The following SIGLEC7 variants were observed in gnomAD, a reference collection of about 807,000 sequenced individuals.
The protein encoded by SIGLEC7 is sialic acid-binding Ig-like lectin 7.
A neutral mutation model predicts 40.8 loss-of-function variants in SIGLEC7; 33 were observed. The observed-to-expected ratio is 0.81, with a 90% CI of 0.61 to 1.08. SIGLEC7 has a LOEUF of 1.08. Among genes scored for constraint, SIGLEC7 ranks in the 50% least tolerant of loss-of-function variants. The probability of loss-of-function intolerance (pLI) is 0.00; values close to 1 mark genes in which losing one functional copy is unlikely to be tolerated. For synonymous variants in SIGLEC7, 242 were observed against 237.6 expected (o/e 1.02, Z -0.17); for missense variants, 513 against 576.1 (o/e 0.89, Z 1.12).
rs776981304 is a variant in SIGLEC7, at chr19:51,145,907, T to C, written c.813T>C (p.Ser271=). 2.7e-5 allele frequency: 44 copies of C among 1,614,086 alleles called. No homozygotes were observed. Among genetic ancestry groups the C allele is most frequent in the Non-Finnish European group, 3.6e-5 (43 of 1,180,044 alleles). Residue 271 remains serine, a synonymous_variant, in exon 4 of 7, where the codon TCT becomes TCC. Coordinates refer to ENST00000317643, the MANE Select transcript of SIGLEC7 (RefSeq NM_014385.4). The surrounding 1 kb of genome is among the most constrained non-coding windows in gnomAD (Gnocchi z 4.3). ...SSSLSVLEGQ[S]LRLVCAVDSN... ...CTCTTTCAGTCCTAGAGGGCCAGTC[T>C]CTGCGCTTGGTCTGTGCTGTTGACA...
intron 2 of SIGLEC7, 29 bp downstream of exon 2, chr19:51,144,713 C>G: frequency 1.2e-6 from 2 of 1,606,846 alleles, no homozygotes; most frequent in South Asian, 1.1e-5. Flanking sequence ...CGCCCTGGTC[C>G]CTGATGAGGG....
chr19:51,147,602 A>G (rs1253193448), intron 6 of SIGLEC7, among the ~76,000 whole-genome samples: 1 of 151,982 alleles, frequency 6.6e-6, no homozygotes, highest in African/African-American at 2.4e-5. Flanking sequence ...TTTCCTCCCT[A>G]AGAATGGCTA....
rs1332483736 is a variant in SIGLEC7 at position 51,145,962 on chromosome 19, T to C, written c.868T>C (p.Trp290Arg). The C allele has an allele frequency of 6.2e-7, 1 of 1,614,110 alleles. No individual in the cohort carries two copies. The highest frequency in any genetic ancestry group is 1.3e-5 in the African/African-American group (1 of 74,928). Residue 290 changes from tryptophan (W) to arginine (R), a missense_variant, in exon 4 of 7, where the codon TGG becomes CGG. Transcript: ENST00000317643. The surrounding 1 kb of genome is among the most constrained non-coding windows in gnomAD (Gnocchi z 4.3). ...TCCCCCTGCCAGGCTGAGCTGGACCTGGAGGAGTCTGACCCTGTACCCCTC... is the reference window on the plus strand; with the variant it reads ...TCCCCCTGCCAGGCTGAGCTGGACCCGGAGGAGTCTGACCCTGTACCCCTC... ...SNPPARLSWT[W>R]RSLTLYPSQP... is the part of the protein sequence containing the mutation.
rs2092093443 is a variant in SIGLEC7 at position 51,144,599 on chromosome 19, G to A, written c.627G>A (p.Gln209=). ...SSVLTLIPQP[Q]HHGTSLTCQV... ...TGCTCACCCTCATCCCACAGCCCCA[G>A]CACCACGGCACCAGCCTCACCTGTC... Residue 209 remains glutamine, a synonymous_variant, in exon 2 of 7, where the codon CAG becomes CAA. Transcript: ENST00000317643. 6.2e-7 allele frequency: 1 copy of A among 1,613,772 alleles called. No individual in the cohort carries two copies. The highest frequency in any genetic ancestry group is 1.7e-5 in the Admixed American group (1 of 60,006).
chr19:51,142,339 C>T lies in SIGLEC7; in HGVS notation c.-31C>T, dbSNP rs1011561493. 2.5e-6 allele frequency: 4 copies of T among 1,601,382 alleles called. No homozygotes were observed. In the African/African-American group the frequency reaches 5.3e-5, roughly 21 times the overall value. On this transcript the variant is annotated 5_prime_UTR_variant, in exon 1 of 7. Coordinates refer to ENST00000317643, the MANE Select transcript of SIGLEC7 (RefSeq NM_014385.4). This position sits in a 1 kb window ranked among gnomAD's most constrained non-coding sequence, Gnocchi z 5.0. Reference sequence around the variant, plus strand: ...GAAGAACCCTGAGGAACAGACGTTCCCTCGCGGCCCTGGCACCTCCAACCC... The same window carrying T: ...GAAGAACCCTGAGGAACAGACGTTCTCTCGCGGCCCTGGCACCTCCAACCC...
chr19:51,144,655 C>T lies in SIGLEC7; in HGVS notation c.683C>T (p.Thr228Met), dbSNP rs749029848. 17 of 1,613,632 alleles carry T rather than the reference C, an allele frequency of 1.1e-5. No homozygotes were observed. The highest frequency in any genetic ancestry group is 4.0e-5 in the African/African-American group (3 of 74,920). ...ACCTTGCCTGGGGCCGGCGTGACCA[C>T]GAACAGGACCATCCAACTCAATGTG... The part of the protein sequence containing the change: ...QVTLPGAGVT[T>M]NRTIQLNVSY... The change falls in exon 2 of 7, where the codon ACG becomes ATG. Residue 228 changes from threonine to methionine, a missense_variant. By Grantham distance (81) the Thr-to-Met change is moderately conservative. Transcript: ENST00000317643.
intron 3 of SIGLEC7, 38 bp downstream of exon 3, chr19:51,144,997 G>A (rs1365933186): frequency 1.3e-6 from 2 of 1,599,348 alleles, no homozygotes; most frequent in South Asian, 2.2e-5. Flanking sequence ...GGGGGAGCAG[G>A]GCCTTCAGCT....
At position 51,144,680 on chromosome 19, in the gene SIGLEC7, GT is replaced by G; in HGVS notation, c.709del (p.Ser237ProfsTer7). 1.2e-6 allele frequency: 2 copies of G among 1,613,022 alleles called. No homozygotes were observed. Among genetic ancestry groups the G allele is most frequent in the Non-Finnish European group, 1.7e-6 (2 of 1,179,742 alleles). On this transcript the variant is annotated frameshift_variant, in exon 2 of 7. Coordinates refer to ENST00000317643, the MANE Select transcript of SIGLEC7 (RefSeq NM_014385.4). LOFTEE classifies it high-confidence loss of function. ...CGAACAGGACCATCCAACTCAATGT[GT>G]CCTGTGAGTGCTGAGCCAGGACGCC... ...TTNRTIQLNV[S>X]YPPQNLTVTV...
rs1353314304 is a variant in SIGLEC7, at chr19:51,142,569, G to A, written c.200G>A (p.Arg67Gln). 3.1e-6 allele frequency: 5 copies of A among 1,614,114 alleles called. No homozygotes were observed. The highest frequency in any genetic ancestry group is 3.4e-6 in the Non-Finnish European group (4 of 1,180,024). ...GACCCAGTTCATGGCTACTGGTTCC[G>A]GGCAGGGAATGATATAAGCTGGAAG... ...DSDPVHGYWF[R>Q]AGNDISWKAP... Residue 67 changes from arginine to glutamine, a missense_variant, in exon 1 of 7, where the codon CGG becomes CAG. By Grantham distance (43) the Arg-to-Gln change is conservative. Coordinates refer to ENST00000317643, the MANE Select transcript of SIGLEC7 (RefSeq NM_014385.4). The surrounding 1 kb of genome is among the most constrained non-coding windows in gnomAD (Gnocchi z 5.0).
Position 51,148,184 on chromosome 19 carries a change from A to T in SIGLEC7, c.1221+867A>T, listed in dbSNP as rs576784509. Reference sequence around the variant, plus strand: ...AAATCTCAGTAATTGTGATAGTTTTAAAAAAAACTCTTATTTTAGGTTTGG... The same window carrying T: ...AAATCTCAGTAATTGTGATAGTTTTTAAAAAAACTCTTATTTTAGGTTTGG... On this transcript the variant is annotated intron_variant, in intron 6 of 6. Transcript: ENST00000317643. 7.3e-5 allele frequency among the ~76,000 whole-genome samples: 11 copies of T among 150,692 alleles called. No individual in the cohort carries two copies. The East Asian group carries it at 7.7e-4, about 11-fold the overall frequency.
At chr19:51,143,436 G>T (rs1202716945) in intron 1 of SIGLEC7, among the ~76,000 whole-genome samples, 1 of 152,130 alleles carries the variant, frequency 6.6e-6, no homozygotes, top group Non-Finnish European at 1.5e-5. Flanking sequence ...TGGTCCAGAG[G>T]CCGGGAGGGC....
chr19:51,144,546 C>G lies in SIGLEC7; in HGVS notation c.574C>G (p.Leu192Val). Residue 192 changes from leucine (L) to valine (V), a missense_variant, in exon 2 of 7, where the codon CTG becomes GTG. By Grantham distance (32) the Leu-to-Val change is conservative (BLOSUM62 1). Coordinates refer to ENST00000317643, the MANE Select transcript of SIGLEC7 (RefSeq NM_014385.4). ...ISWMGTSVSP[L>V]HPSTTRSSVL... ...CTGGATGGGGACCTCTGTGTCCCCC[C>G]TGCACCCCTCCACCACCCGCTCCTC... The G allele has an allele frequency of 6.2e-7, 1 of 1,613,800 alleles. No individual in the cohort carries two copies.
chr19:51,142,809 C>T lies in SIGLEC7; in HGVS notation c.433+7C>T, dbSNP rs1179693148. On this transcript the variant is annotated splice_region_variant and intron_variant, in intron 1 of 6. Coordinates refer to ENST00000317643, the MANE Select transcript of SIGLEC7 (RefSeq NM_014385.4). The surrounding 1 kb of genome is among the most constrained non-coding windows in gnomAD (Gnocchi z 5.0). ...CTCTCTGTGAACGTGACAGGTAAGG[C>T]ACGGGCTCCAAGAGAGGCCAAAGGC... The T allele has an allele frequency of 6.3e-7, 1 of 1,579,132 alleles. No homozygotes were observed. Among genetic ancestry groups the T allele is most frequent in the Non-Finnish European group, 8.6e-7 (1 of 1,161,636 alleles).
At chr19:51,149,492 A>T (rs2092130834) in intron 6 of SIGLEC7, among the ~76,000 whole-genome samples, 2 of 152,026 alleles carry the variant, frequency 1.3e-5, no homozygotes, top group African/African-American at 4.8e-5. Context: ...TGGGCTCTCT[A>T]TTCCGTTCCA....
rs2092105402 is a variant in SIGLEC7 at position 51,145,996 on chromosome 19, C to G, written c.902C>G (p.Ser301Ter). The change falls in exon 4 of 7, where the codon TCA becomes TGA. Residue 301 changes from serine (S) to a stop codon, truncating the protein, a stop_gained. Coordinates refer to ENST00000317643, the MANE Select transcript of SIGLEC7 (RefSeq NM_014385.4). LOFTEE classifies it high-confidence loss of function. This position sits in a 1 kb window ranked among gnomAD's most constrained non-coding sequence, Gnocchi z 4.3. The stretch of plus-strand genomic sequence containing the variant: ...CTGACCCTGTACCCCTCACAGCCCT[C>G]AAACCCTCTGGTACTGGAGCTGCAA... ...RSLTLYPSQP[S>*]NPLVLELQVH... 1.9e-6 allele frequency: 3 copies of G among 1,614,224 alleles called. No individual in the cohort carries two copies. The highest frequency in any genetic ancestry group is 1.3e-5 in the African/African-American group (1 of 75,054).
intron 6 of SIGLEC7, among the ~76,000 whole-genome samples, chr19:51,151,490 C>T (rs1568623385): frequency 6.6e-6 from 1 of 152,256 alleles, no homozygotes; most frequent in Non-Finnish European, 1.5e-5. Context: ...AGTCATTAGC[C>T]TATTGATGGC....
Position 51,146,323 on chromosome 19 carries a change from T to C in SIGLEC7, c.1027+202T>C, listed in dbSNP as rs373658145. Among the ~76,000 whole-genome samples, 69 of 152,084 alleles carry C rather than the reference T, an allele frequency of 4.5e-4. 9 individuals are homozygous for C. In the South Asian group the frequency reaches 6.0e-3, roughly 13 times the overall value. On this transcript the variant is annotated intron_variant, in intron 4 of 6. Transcript: ENST00000317643. The stretch of plus-strand genomic sequence containing the variant: ...GCAGGAAGAGGGGAGGAGTGGGTCT[T>C]GGAGGGGAGGAGCTGGGGCCTGGAC...
chr19:51,151,567 T>C (rs1324339851), intron 6 of SIGLEC7, among the ~76,000 whole-genome samples: 2 of 152,188 alleles, frequency 1.3e-5, no homozygotes, highest in East Asian at 1.9e-4. Flanking sequence ...GGGGCTGCTC[T>C]GATATTTAAG....
In SIGLEC7 at chr19:51,153,317, GT is replaced by G; in HGVS notation, c.*73del. On this transcript the variant is annotated 3_prime_UTR_variant, in exon 7 of 7. Coordinates refer to ENST00000317643, the MANE Select transcript of SIGLEC7 (RefSeq NM_014385.4). ...GCAAAGGAGTCTGAGGCTGATTCCA[GT>G]AGAATTAGCAGCCCTCAATGCTGTG... 1.6e-6 allele frequency: 2 copies of G among 1,222,082 alleles called. No homozygotes were observed. The highest frequency in any genetic ancestry group is 1.1e-6 in the Non-Finnish European group (1 of 896,356). 75.7% of individuals were successfully genotyped at this position (1,222,082 alleles called of 1,614,324 possible).
Sources: gnomAD v4.1 joint callset for allele counts (sites outside exome capture counted in the v4.1 genomes callset) on GRCh38, gnomAD v4.1.1 for gene constraint, Gnocchi (gnomAD v3.1) non-coding constraint, MANE v1.5 for transcripts, NCBI Gene and HGNC (gene_info 2026-07-23, HGNC 2026-07-21) for gene names.